The following MB21D2 variants were observed in gnomAD, a reference collection of about 807,000 sequenced individuals.
The protein encoded by MB21D2 is Mab-21 domain containing 2.
In MB21D2, 9 loss-of-function variants were observed where a neutral mutation model predicts 33.3. That is an observed-to-expected ratio of 0.27 (90% CI 0.16 to 0.47). The LOEUF is 0.47. Among genes scored for constraint, MB21D2 ranks in the 20% least tolerant of loss-of-function variants. The pLI, the probability that MB21D2 is intolerant of heterozygous loss-of-function variation, is 0.99. For synonymous variants in MB21D2, 241 were observed against 236.3 expected (o/e 1.02, Z -0.18); for missense variants, 540 against 624.6 (o/e 0.86, Z 1.44).
At chr3:192,868,512 GT>G (rs11452972) in intron 1 of MB21D2, among the ~76,000 whole-genome samples, 85 of 148,346 alleles carry the variant, frequency 5.7e-4, no homozygotes, top group Admixed American at 1.5e-3. Flanking sequence ...TTTGTATTAA[GT>G]TTTTTTTTTT....
At chr3:192,803,315 G>A (rs1472307347) in intron 1 of MB21D2, among the ~76,000 whole-genome samples, 1 of 152,076 alleles carries the variant, frequency 6.6e-6, no homozygotes, top group Non-Finnish European at 1.5e-5. Context: ...CAAGTATTTG[G>A]CTAAATTCTA....
At chr3:192,828,815 A>ATT (rs1386579045) in intron 1 of MB21D2, among the ~76,000 whole-genome samples, 1 of 149,284 alleles carries the variant, frequency 6.7e-6, no homozygotes, top group African/African-American at 2.5e-5. Flanking sequence ...CACCCGGCTA[A>ATT]TTTTTTTGTA....
intron 1 of MB21D2, among the ~76,000 whole-genome samples, chr3:192,805,508 A>G (rs904811001): frequency 6.6e-6 from 1 of 152,232 alleles, no homozygotes; most frequent in African/African-American, 2.4e-5. Flanking sequence ...TGGTAATGGT[A>G]ATGCCCTATT....
At chr3:192,803,276 GT>G (rs1232820466) in intron 1 of MB21D2, among the ~76,000 whole-genome samples, 3 of 152,182 alleles carry the variant, frequency 2.0e-5, no homozygotes, top group Non-Finnish European at 2.9e-5. Context: ...TCGTTAAAAT[GT>G]TGACCCTTTA....
chr3:192,863,535 T>G (rs1162068374), intron 1 of MB21D2, among the ~76,000 whole-genome samples: 1 of 152,184 alleles, frequency 6.6e-6, no homozygotes, highest in Admixed American at 6.5e-5. Context: ...TTATTAAATA[T>G]TTACTGAGTA....
intron 1 of MB21D2, among the ~76,000 whole-genome samples, chr3:192,855,063 T>C (rs147385481): frequency 0.012 from 1,840 of 152,312 alleles, 108 homozygotes; most frequent in Admixed American, 0.1. Context: ...TGAAGTAAAA[T>C]TGAAGGCTCA....
At chr3:192,897,001 G>GT (rs1713989980) in intron 1 of MB21D2, among the ~76,000 whole-genome samples, 1 of 152,152 alleles carries the variant, frequency 6.6e-6, no homozygotes, top group African/African-American at 2.4e-5. Context: ...AACCATCAAG[G>GT]TGAAACAAGA....
intron 1 of MB21D2, among the ~76,000 whole-genome samples, chr3:192,813,655 G>T (rs4687364): frequency 6.6e-6 from 1 of 151,812 alleles, no homozygotes; most frequent in African/African-American, 2.4e-5. Context: ...GAGGCTCCTA[G>T]CCCTAAGTAA....
chr3:192,871,803 G>C (rs1019862484), intron 1 of MB21D2, among the ~76,000 whole-genome samples: 7 of 152,092 alleles, frequency 4.6e-5, no homozygotes, highest in African/African-American at 1.7e-4. Context: ...GGGGATGACA[G>C]AGGGGAGTGA....
rs1417024543 is a variant in MB21D2, at chr3:192,838,529, C to T, written c.212-38879G>A. 2.6e-5 allele frequency among the ~76,000 whole-genome samples: 4 copies of T among 151,502 alleles called. No homozygotes were observed. In the East Asian group the frequency reaches 7.9e-4, roughly 30 times the overall value. On this transcript the variant is annotated intron_variant, in intron 1 of 1. Coordinates refer to ENST00000392452, the MANE Select transcript of MB21D2 (RefSeq NM_178496.4). ...CTGCAAACTCCGCCTCCCGGGTTCA[C>T]ACCATTCTCCTGCCTCGGCCTCCCG...
At chr3:192,900,928 G>A (rs930382607) in intron 1 of MB21D2, among the ~76,000 whole-genome samples, 4 of 140,884 alleles carry the variant, frequency 2.8e-5, no homozygotes, top group South Asian at 2.4e-4. Flanking sequence ...GTGACAGAGC[G>A]AGACTCTGTC....
chr3:192,879,523 G>T (rs761947527), intron 1 of MB21D2, among the ~76,000 whole-genome samples: 1 of 152,242 alleles, frequency 6.6e-6, no homozygotes, highest in Admixed American at 6.5e-5. Flanking sequence ...CTTTCTAGGT[G>T]ATTAGTGAGA....
chr3:192,899,805 G>C (rs1361906713), intron 1 of MB21D2, among the ~76,000 whole-genome samples: 1 of 152,236 alleles, frequency 6.6e-6, no homozygotes, highest in African/African-American at 2.4e-5. Flanking sequence ...TGCCAAGTTA[G>C]TGTCTTGGGC....
At chr3:192,806,367 A>T (rs1283656262) in intron 1 of MB21D2, among the ~76,000 whole-genome samples, 2 of 152,192 alleles carry the variant, frequency 1.3e-5, no homozygotes, top group African/African-American at 4.8e-5. Flanking sequence ...TTACACAACA[A>T]GTTGGTCCTC....
At chr3:192,849,041 A>G (rs1712730640) in intron 1 of MB21D2, among the ~76,000 whole-genome samples, 1 of 152,128 alleles carries the variant, frequency 6.6e-6, no homozygotes, top group African/African-American at 2.4e-5. Context: ...TGTGCTTAAC[A>G]TATCACAGAT....
At chr3:192,898,297 C>T (rs1714021815) in intron 1 of MB21D2, among the ~76,000 whole-genome samples, 1 of 151,504 alleles carries the variant, frequency 6.6e-6, no homozygotes, top group African/African-American at 2.4e-5. Context: ...CTTAAGCATC[C>T]TCCTGCCTCA....
chr3:192,830,492 C>T (rs1439568053), intron 1 of MB21D2, among the ~76,000 whole-genome samples: 1 of 152,162 alleles, frequency 6.6e-6, no homozygotes, highest in Non-Finnish European at 1.5e-5. Context: ...ATCTGCCTAC[C>T]TAATAATGCA....
At chr3:192,873,814 T>C (rs1380905166) in intron 1 of MB21D2, among the ~76,000 whole-genome samples, 1 of 152,190 alleles carries the variant, frequency 6.6e-6, no homozygotes, top group Non-Finnish European at 1.5e-5. Context: ...GCAATTCTCC[T>C]GCCTCAGCCT....
chr3:192,835,579 A>G (rs1243446194), intron 1 of MB21D2, among the ~76,000 whole-genome samples: 2 of 152,068 alleles, frequency 1.3e-5, no homozygotes, highest in African/African-American at 2.4e-5. Flanking sequence ...GAAAAAAATG[A>G]TGACAATTTG....
Sources: gnomAD v4.1 joint callset for allele counts (sites outside exome capture counted in the v4.1 genomes callset) on GRCh38, gnomAD v4.1.1 for gene constraint, MANE v1.5 for transcripts, NCBI Gene and HGNC (gene_info 2026-07-23, HGNC 2026-07-21) for gene names.